The following MAOB variants were observed in gnomAD, a reference collection of about 807,000 sequenced individuals.
MAOB encodes amine oxidase [flavin-containing] B.
Under a neutral mutation model 41.9 loss-of-function variants are expected in MAOB, and 15 were observed. That is an observed-to-expected ratio of 0.36 (90% CI 0.24 to 0.55). The LOEUF is 0.55. Ranked by LOEUF, MAOB falls within the 20% of genes least tolerant of loss-of-function variation. The pLI is 0.86. For missense variants in MAOB, 345 were observed against 398.7 expected (o/e 0.87, Z 1.15); for synonymous variants, 167 against 144.2 (o/e 1.16, Z -1.13).
intron 3 of MAOB, among the ~76,000 whole-genome samples, chrX:43,805,930 C>T (rs1323636639): frequency 8.9e-6 from 1 of 112,343 alleles, no homozygotes; most frequent in Non-Finnish European, 1.9e-5. Context: ...CACTTGCTGA[C>T]TTTTCTTTTA....
At chrX:43,834,421 C>T (rs1023365765) in intron 3 of MAOB, among the ~76,000 whole-genome samples, 2 of 111,890 alleles carry the variant, frequency 1.8e-5, no homozygotes, top group Non-Finnish European at 3.8e-5. Context: ...CCTTACACAA[C>T]AGGACGATTT....
rs1385048817 is a variant in MAOB at position 43,766,858 on chromosome X, G to T, written c.*608C>A. The stretch of plus-strand genomic sequence containing the variant: ...ACACCATCGGTAACTATGACAGGGA[G>T]TGAAGGAGGATAATTGGGGAAAACA... On this transcript the variant is annotated 3_prime_UTR_variant, in exon 15 of 15. Coordinates refer to ENST00000378069, the MANE Select transcript of MAOB (RefSeq NM_000898.5). The T allele has an allele frequency of 4.5e-5, 5 of 111,988 alleles. No homozygotes were observed. Among genetic ancestry groups the T allele is most frequent in the African/African-American group, 1.3e-4 (4 of 30,737 alleles). 9.2% of individuals were successfully genotyped at this position (111,988 alleles called of 1,213,427 possible).
intron 3 of MAOB, among the ~76,000 whole-genome samples, chrX:43,816,353 A>G (rs1379056088): frequency 1.8e-5 from 2 of 111,985 alleles, no homozygotes; most frequent in African/African-American, 6.5e-5. Context: ...ATACATCAAC[A>G]AAAATTTACA....
chrX:43,857,151 AGAGAGAGAGAGAGAAGAAG>A (rs1569230924), intron 1 of MAOB, among the ~76,000 whole-genome samples: 40 of 62,443 alleles, frequency 6.4e-4, no homozygotes, highest in Non-Finnish European at 1.0e-3. Flanking sequence ...AGAGAGAGAG[AGAGAGAGAGAGAGAAGAAG>A]AGAGAGAGAG....
chrX:43,808,481 A>T (rs781482666), intron 3 of MAOB, among the ~76,000 whole-genome samples: 2 of 110,633 alleles, frequency 1.8e-5, no homozygotes, highest in Non-Finnish European at 3.8e-5. Context: ...GCTCCTGGAA[A>T]CATAAAGACA....
chrX:43,819,061 C>T (rs773435682), intron 3 of MAOB, among the ~76,000 whole-genome samples: 26 of 111,555 alleles, frequency 2.3e-4, no homozygotes, highest in Non-Finnish European at 3.2e-4. Context: ...GCTTCTCTGT[C>T]CAGAGCCTTT....
chrX:43,863,976 A>G (rs1478101692), intron 1 of MAOB, among the ~76,000 whole-genome samples: 1 of 111,700 alleles, frequency 9.0e-6, no homozygotes, highest in Non-Finnish European at 1.9e-5. Flanking sequence ...AACACCACCA[A>G]TACATCTCTA....
chrX:43,812,005 C>T (rs779417564), intron 3 of MAOB, among the ~76,000 whole-genome samples: 1 of 111,647 alleles, frequency 9.0e-6, no homozygotes, highest in Non-Finnish European at 1.9e-5. Context: ...TACTATCCTT[C>T]CCAGCCTCTG....
chrX:43,866,756 A>G (rs954092519), intron 1 of MAOB, among the ~76,000 whole-genome samples: 1 of 112,531 alleles, frequency 8.9e-6, no homozygotes, highest in Middle Eastern at 4.2e-3. Context: ...AACAGAATGG[A>G]CTGGAGAAGG....
chrX:43,799,967 G>T (rs1391216999), intron 5 of MAOB, among the ~76,000 whole-genome samples: 1 of 111,620 alleles, frequency 9.0e-6, no homozygotes, highest in African/African-American at 3.2e-5. Context: ...GATAATAACT[G>T]AAAGAATAAT....
intron 1 of MAOB, among the ~76,000 whole-genome samples, chrX:43,856,226 G>A (rs1391307464): frequency 1.8e-5 from 2 of 110,401 alleles, no homozygotes; most frequent in East Asian, 2.8e-4. Flanking sequence ...TGGGATTACA[G>A]GTACACGCCA....
At chrX:43,798,879 C>A (rs951375504) in intron 5 of MAOB, among the ~76,000 whole-genome samples, 2 of 111,691 alleles carry the variant, frequency 1.8e-5, no homozygotes, top group African/African-American at 6.5e-5. Context: ...TATTTTTCCA[C>A]AGTTCACATG....
At chrX:43,781,675 A>G in intron 8 of MAOB, 131 bp from the exon 9 acceptor site, 2 of 353,796 alleles carry the variant, frequency 5.7e-6, no homozygotes, top group Non-Finnish European at 9.6e-6. Context: ...CTCCAAACAT[A>G]TGAAGGCAAA....
intron 3 of MAOB, among the ~76,000 whole-genome samples, chrX:43,814,181 T>C (rs1234790555): frequency 9.0e-6 from 1 of 110,800 alleles, no homozygotes; most frequent in African/African-American, 3.3e-5. Flanking sequence ...CTTTTCCAAC[T>C]GGACTGTCCC....
chrX:43,873,921 C>T (rs1170749409), intron 1 of MAOB, among the ~76,000 whole-genome samples: 1 of 111,436 alleles, frequency 9.0e-6, no homozygotes, highest in Non-Finnish European at 1.9e-5. Context: ...GCGATCCGCC[C>T]GCCTCGGCTT....
intron 1 of MAOB, among the ~76,000 whole-genome samples, chrX:43,873,118 T>C (rs767538538): frequency 8.9e-6 from 1 of 112,336 alleles, no homozygotes; most frequent in East Asian, 2.8e-4. Flanking sequence ...TGAAAAAAGA[T>C]GCTTTGCTGG....
chrX:43,792,643 C>A (rs2147132267), intron 8 of MAOB, among the ~76,000 whole-genome samples: 1 of 111,772 alleles, frequency 8.9e-6, no homozygotes, highest in African/African-American at 3.2e-5. Context: ...GATGAGATAC[C>A]ATCTCACACC....
intron 3 of MAOB, among the ~76,000 whole-genome samples, chrX:43,830,636 A>T (rs1025377660): frequency 8.9e-5 from 10 of 111,869 alleles, no homozygotes; most frequent in African/African-American, 3.2e-4. Context: ...AAATATTTTC[A>T]GGTAAGTTTA....
intron 8 of MAOB, among the ~76,000 whole-genome samples, chrX:43,792,847 T>C (rs1000866126): frequency 9.0e-6 from 1 of 111,689 alleles, no homozygotes; most frequent in Non-Finnish European, 1.9e-5. Context: ...CAAAGGAATA[T>C]AAATTGTTCT....
Sources: gnomAD v4.1 joint callset for allele counts (sites outside exome capture counted in the v4.1 genomes callset) on GRCh38, gnomAD v4.1.1 for gene constraint, MANE v1.5 for transcripts, NCBI Gene and HGNC (gene_info 2026-07-23, HGNC 2026-07-21) for gene names.